The following BIN3 variants were observed in gnomAD, a reference collection of about 807,000 sequenced individuals.
BIN3 encodes the protein bridging integrator 3.
In BIN3, 41 loss-of-function variants were observed where a neutral mutation model predicts 38.2. The ratio of observed to expected loss-of-function variants is 1.07; its 90% confidence interval spans 0.84 to 1.39. The LOEUF is 1.39. Among genes scored for constraint, BIN3 ranks in the 40% most tolerant of loss-of-function variants. The pLI is 0.00. For synonymous variants in BIN3, 145 were observed against 122.6 expected (o/e 1.18, Z -1.21); for missense variants, 361 against 324.3 (o/e 1.11, Z -0.87).
intron 1 of BIN3, among the ~76,000 whole-genome samples, chr8:22,652,599 C>T (rs920954242): frequency 6.6e-6 from 1 of 152,212 alleles, no homozygotes; most frequent in Non-Finnish European, 1.5e-5. Context: ...CTAGGGCAGT[C>T]CCACCCTCAG....
At position 22,667,653 on chromosome 8, in the gene BIN3, G is replaced by A. The variant is rs2280105; in HGVS notation, c.8+1391C>T. Among the ~76,000 whole-genome samples, 350 of 152,338 alleles carry A rather than the reference G, an allele frequency of 2.3e-3. 6 individuals are homozygous for A. In the East Asian group the frequency reaches 0.062, roughly 27 times the overall value. On this transcript the variant is annotated intron_variant, in intron 1 of 8. Coordinates refer to ENST00000276416, the MANE Select transcript of BIN3 (RefSeq NM_018688.6). ...AACTAGGTTATAACAAGACAGGGAA[G>A]GTAGCTTTTTAAGGCTCCAGCCCCT...
chr8:22,650,566 T>C (rs1452272437), intron 1 of BIN3, among the ~76,000 whole-genome samples: 3 of 152,232 alleles, frequency 2.0e-5, no homozygotes, highest in Non-Finnish European at 4.4e-5. Flanking sequence ...CTATCATTAG[T>C]ATCAAAGTTA....
In BIN3 at chr8:22,621,430, C is replaced by CG. The variant is rs994567343; in HGVS notation, c.753dup (p.Asp252ArgfsTer2). On this transcript the variant is annotated frameshift_variant, in exon 9 of 9. Coordinates refer to ENST00000276416, the MANE Select transcript of BIN3 (RefSeq NM_018688.6). LOFTEE classifies it high-confidence loss of function. ...CCAAGAGTGACGGGGATTCAGTCAT[C>CG]GGCCACAATGGAGAGGGCCCGGAGC... is the stretch of plus-strand genomic sequence containing the variant. 2.5e-6 allele frequency: 4 copies of CG among 1,612,800 alleles called. No homozygotes were observed. The Admixed American group carries it at 6.7e-5, about 27-fold the overall frequency.
At chr8:22,654,310 A>G (rs1802992574) in intron 1 of BIN3, among the ~76,000 whole-genome samples, 1 of 152,190 alleles carries the variant, frequency 6.6e-6, no homozygotes, top group Admixed American at 6.5e-5. Context: ...TATGTATTCA[A>G]TCTGTCATCT....
chr8:22,650,858 C>T (rs116565799), intron 1 of BIN3, among the ~76,000 whole-genome samples: 43 of 152,276 alleles, frequency 2.8e-4, no homozygotes, highest in African/African-American at 1.0e-3. Flanking sequence ...TTTCATGAAG[C>T]CACACTTGCA....
intron 8 of BIN3, among the ~76,000 whole-genome samples, chr8:22,623,126 C>T (rs557366685): frequency 1.6e-4 from 25 of 152,218 alleles, no homozygotes; most frequent in Non-Finnish European, 2.8e-4. Context: ...CAGGGTGCCA[C>T]GGGTGTTGGG....
In BIN3 at chr8:22,644,784, GC is replaced by G. The variant is rs1369095880; in HGVS notation, c.27del (p.Gln10SerfsTer36). The G allele has an allele frequency of 1.2e-6, 2 of 1,611,328 alleles. No homozygotes were observed. Among genetic ancestry groups the G allele is most frequent in the African/African-American group, 1.3e-5 (1 of 75,038 alleles). MSWIPFKI[G>X]QPKKQIVPKT... ...TTGGGCACAATCTGTTTCTTGGGCTGCCCAATCTTAAAAGGAATCCTATAAG... is the reference window on the plus strand; with the variant it reads ...TTGGGCACAATCTGTTTCTTGGGCTGCCAATCTTAAAAGGAATCCTATAAG... On this transcript the variant is annotated frameshift_variant, in exon 2 of 9. Transcript: ENST00000276416. LOFTEE classifies it high-confidence loss of function.
intron 6 of BIN3, among the ~76,000 whole-genome samples, chr8:22,627,774 C>A (rs1475209884): frequency 6.6e-6 from 1 of 152,236 alleles, no homozygotes; most frequent in Non-Finnish European, 1.5e-5. Flanking sequence ...GAAACAGCCT[C>A]CGAGGCCAGG....
At chr8:22,645,165 C>CAAAAAA (rs61368703) in intron 1 of BIN3, among the ~76,000 whole-genome samples, 6 of 120,346 alleles carry the variant, frequency 5.0e-5, no homozygotes, top group Non-Finnish European at 1.1e-4. Flanking sequence ...ACCCTATCTC[C>CAAAAAA]AAAAAAAAAA....
At chr8:22,651,986 AGTT>A in intron 1 of BIN3, among the ~76,000 whole-genome samples, 2 of 129,476 alleles carry the variant, frequency 1.5e-5, no homozygotes, top group South Asian at 5.4e-4. Flanking sequence ...GCTTCTACCA[AGTT>A]TTTTTTTTTT....
intron 6 of BIN3, among the ~76,000 whole-genome samples, chr8:22,628,235 G>C (rs1802067071): frequency 6.6e-6 from 1 of 152,234 alleles, no homozygotes; most frequent in South Asian, 2.1e-4. Context: ...CCAGAGACTG[G>C]GGATTAGAGG....
At chr8:22,649,844 C>CAT (rs1802829128) in intron 1 of BIN3, among the ~76,000 whole-genome samples, 3 of 136,458 alleles carry the variant, frequency 2.2e-5, no homozygotes, top group Non-Finnish European at 4.6e-5. Flanking sequence ...CACACACACA[C>CAT]ACACACACAC....
rs139027821 is a variant in BIN3 at position 22,634,181 on chromosome 8, A to G, written c.160+2344T>C. 2.9e-3 allele frequency among the ~76,000 whole-genome samples: 438 copies of G among 152,370 alleles called. 4 individuals carry two copies. The highest frequency in any genetic ancestry group is 0.01 in the African/African-American group (416 of 41,584). ...ACTGGAAAGGCAGTGGGGACCGATC[A>G]AGAAAAATGCGACCCAAGTAACTCA... On this transcript the variant is annotated intron_variant, in intron 4 of 8. Transcript: ENST00000276416.
At chr8:22,652,208 C>T (rs1178121321) in intron 1 of BIN3, among the ~76,000 whole-genome samples, 2 of 151,908 alleles carry the variant, frequency 1.3e-5, no homozygotes, top group Admixed American at 6.6e-5. Context: ...CTTTATTTTC[C>T]ATACTAAGTG....
intron 1 of BIN3, among the ~76,000 whole-genome samples, chr8:22,666,526 C>T (rs1052227592): frequency 3.9e-5 from 6 of 152,118 alleles, no homozygotes; most frequent in African/African-American, 7.2e-5. Context: ...GTAGGACAGA[C>T]CACCGGGTCA....
At chr8:22,650,431 C>T (rs1218816804) in intron 1 of BIN3, among the ~76,000 whole-genome samples, 1 of 152,148 alleles carries the variant, frequency 6.6e-6, no homozygotes, top group African/African-American at 2.4e-5. Flanking sequence ...ACTAAATCCG[C>T]CTTTTGTGAG....
intron 2 of BIN3, among the ~76,000 whole-genome samples, chr8:22,641,066 T>C (rs1238412365): frequency 1.3e-5 from 2 of 152,134 alleles, no homozygotes; most frequent in East Asian, 3.9e-4. Context: ...GCCTCTCAGA[T>C]AATGGCTAAG....
In BIN3 at chr8:22,623,891, G is replaced by A. The variant is rs752282698; in HGVS notation, c.615+24C>T. 3.7e-6 allele frequency: 6 copies of A among 1,608,764 alleles called. No individual in the cohort carries two copies. In the African/African-American group the frequency reaches 8.0e-5, roughly 21 times the overall value. On this transcript the variant is annotated intron_variant, in intron 8 of 8. Transcript: ENST00000276416. ...CATGAGCTGTGTATACCAAGCCCAGGGGAAGAGCACCTGGCGGCCTCACCT... is the reference window on the plus strand; with the variant it reads ...CATGAGCTGTGTATACCAAGCCCAGAGGAAGAGCACCTGGCGGCCTCACCT...
intron 4 of BIN3, 93 bp downstream of exon 4, chr8:22,636,429 CGCA>C: frequency 7.7e-7 from 1 of 1,291,990 alleles, no homozygotes; most frequent in Non-Finnish European, 1.1e-6. Context: ...GTCCTCTGAG[CGCA>C]GCAACTTCAG....
Sources: allele counts gnomAD v4.1 joint callset (sites outside exome capture counted in the v4.1 genomes callset), GRCh38; gene constraint gnomAD v4.1.1; transcripts MANE v1.5; gene names NCBI Gene and HGNC (gene_info 2026-07-23, HGNC 2026-07-21).